The following LPA variants were observed in gnomAD, a reference collection of about 807,000 sequenced individuals.
LPA encodes the protein apolipoprotein(a).
In LPA, 199 loss-of-function variants were observed where a neutral mutation model predicts 197.9. That is an observed-to-expected ratio of 1.01 (90% CI 0.90 to 1.13). The LOEUF (loss-of-function observed/expected upper bound fraction) is 1.13. Ranked by LOEUF, LPA falls within the 50% of genes most tolerant of loss-of-function variation. LPA has a pLI of 0.00. For synonymous variants in LPA, 715 were observed against 639.5 expected (o/e 1.12, Z -1.78); for missense variants, 1,853 against 1,785.8 (o/e 1.04, Z -0.68).
chr6:160,587,545 A>C (rs1778934138), intron 24 of LPA, among the ~76,000 whole-genome samples: 1 of 152,050 alleles, frequency 6.6e-6, no homozygotes, highest in African/African-American at 2.4e-5. Flanking sequence ...TGCTCTTTAA[A>C]ATTCTATACC....
At chr6:160,589,307 T>C (rs927140236) in intron 24 of LPA, among the ~76,000 whole-genome samples, 1 of 152,234 alleles carries the variant, frequency 6.6e-6, no homozygotes, top group Non-Finnish European at 1.5e-5. Context: ...TCTTCTGAGC[T>C]TTCTATTCAT....
At chr6:160,552,941 A>G (rs1207915278) in intron 30 of LPA, among the ~76,000 whole-genome samples, 1 of 152,116 alleles carries the variant, frequency 6.6e-6, no homozygotes, top group Admixed American at 6.5e-5. Flanking sequence ...TCTTTTGCAT[A>G]AAAGGACTAT....
rs759100515 is a variant in LPA, at chr6:160,600,968, C to A, written c.3076G>T (p.Val1026Phe). 4 of 1,613,714 alleles carry A rather than the reference C, an allele frequency of 2.5e-6. No homozygotes were observed. Among genetic ancestry groups the A allele is most frequent in the Non-Finnish European group, 3.4e-6 (4 of 1,179,974 alleles). ...GGAGCCAGAATAACATTCGGAGGGA[C>A]GAAGGCAGTCCATTCTGCATCTGAG... is the stretch of plus-strand genomic sequence containing the variant. ...RCSDAEWTAF[V>F]PPNVILAPSL... is the part of the protein sequence containing the mutation. The change falls in exon 19 of 39, where the codon GTC becomes TTC. Residue 1026 changes from valine (V) to phenylalanine (F), a missense_variant. Coordinates refer to ENST00000316300, the MANE Select transcript of LPA (RefSeq NM_005577.4).
At chr6:160,647,012 G>T (rs1033084692) in intron 2 of LPA, among the ~76,000 whole-genome samples, 3 of 152,032 alleles carry the variant, frequency 2.0e-5, no homozygotes, top group African/African-American at 7.3e-5. Context: ...ATATCATGTC[G>T]GTCAAGTAGG....
intron 30 of LPA, 87 bp downstream of exon 30, chr6:160,555,938 T>C (rs1778255292): frequency 1.4e-5 from 17 of 1,176,702 alleles, no homozygotes; most frequent in Non-Finnish European, 2.2e-5. Flanking sequence ...GGGAAATTTG[T>C]CCTAACAAGT....
intron 17 of LPA, among the ~76,000 whole-genome samples, chr6:160,606,207 G>A (rs1328438181): frequency 6.6e-6 from 1 of 152,114 alleles, no homozygotes; most frequent in Non-Finnish European, 1.5e-5. Context: ...CTAAGACACT[G>A]AGATAGCCCA....
intron 30 of LPA, among the ~76,000 whole-genome samples, chr6:160,555,455 A>ATATGTG (rs1287454419): frequency 1.5e-5 from 2 of 133,082 alleles, no homozygotes; most frequent in African/African-American, 5.7e-5. Flanking sequence ...ATATATATAT[A>ATATGTG]TGTGTGTGTA....
At position 160,581,475 on chromosome 6, in the gene LPA, A is replaced by T. The variant is rs373125055; in HGVS notation, c.4290-2771T>A. Among the ~76,000 whole-genome samples, 12 of 152,074 alleles carry T rather than the reference A, an allele frequency of 7.9e-5. No homozygotes were observed. The East Asian group carries it at 2.1e-3, about 27-fold the overall frequency. The stretch of plus-strand genomic sequence containing the variant: ...GCACCAAACCTGGCTAATTTTTTTA[A>T]ATATTTGTAGAGATGAGGGTCTTGC... On this transcript the variant is annotated intron_variant, in intron 26 of 38. Coordinates refer to ENST00000316300, the MANE Select transcript of LPA (RefSeq NM_005577.4).
At chr6:160,575,497 G>T (rs550008247) in intron 28 of LPA, among the ~76,000 whole-genome samples, 16 of 152,286 alleles carry the variant, frequency 1.1e-4, no homozygotes, top group Middle Eastern at 3.4e-3. Context: ...CTATGAAGAG[G>T]TTAAGCTTTC....
chr6:160,579,246 T>C (rs1404012436), intron 26 of LPA, among the ~76,000 whole-genome samples: 5 of 152,192 alleles, frequency 3.3e-5, no homozygotes, highest in African/African-American at 7.2e-5. Flanking sequence ...ATAAATGCTC[T>C]ACATTTGCAA....
intron 28 of LPA, among the ~76,000 whole-genome samples, chr6:160,572,760 C>T (rs1222323780): frequency 6.6e-6 from 1 of 152,190 alleles, no homozygotes; most frequent in Non-Finnish European, 1.5e-5. Context: ...TGTACAGTTC[C>T]TGCTGAAAAA....
At position 160,537,845 on chromosome 6, in the gene LPA, T is replaced by C. The variant is rs1777917156; in HGVS notation, c.5842+10A>G. On this transcript the variant is annotated intron_variant, in intron 37 of 38. Coordinates refer to ENST00000316300, the MANE Select transcript of LPA (RefSeq NM_005577.4). ...ACAATTTGTTACGTGGGCAATGGAA[T>C]TGATCTCACCTTGGGTTTCTCCCCA... The C allele has an allele frequency of 6.2e-7, 1 of 1,612,390 alleles. No individual in the cohort carries two copies. Among genetic ancestry groups the C allele is most frequent in the African/African-American group, 1.3e-5 (1 of 75,044 alleles).
chr6:160,606,628 T>C lies in LPA; in HGVS notation c.2634A>G (p.Pro878=), dbSNP rs1327436990. The change falls in exon 17 of 39, where the codon CCA becomes CCG. Residue 878 remains proline (P), a synonymous_variant. Transcript: ENST00000316300. ...AACAATAAGGGGCTGCCACAGGATCTGGATTCCTGCAGTAGTTCATGATCA... is the reference window on the plus strand; with the variant it reads ...AACAATAAGGGGCTGCCACAGGATCCGGATTCCTGCAGTAGTTCATGATCA... ...AGLIMNYCRN[P]DPVAAPYCYT... is the part of the protein sequence containing the mutation. 1 of 1,614,040 alleles carries C rather than the reference T, an allele frequency of 6.2e-7. No homozygotes were observed. The highest frequency in any genetic ancestry group is 8.5e-7 in the Non-Finnish European group (1 of 1,179,944).
chr6:160,573,207 T>C (rs1422197260), intron 28 of LPA, among the ~76,000 whole-genome samples: 6 of 152,238 alleles, frequency 3.9e-5, no homozygotes, highest in Admixed American at 1.3e-4. Flanking sequence ...TTATTTTTTC[T>C]ACTTGTTCAG....
intron 1 of LPA, among the ~76,000 whole-genome samples, chr6:160,658,348 G>A (rs567390612): frequency 1.9e-4 from 29 of 152,092 alleles, no homozygotes; most frequent in Non-Finnish European, 4.0e-4. Context: ...TCAGCTACTC[G>A]CATGATAACA....
In LPA at chr6:160,611,087, A is replaced by T. The variant is rs139081002; in HGVS notation, c.2603+475T>A. 9.3e-4 allele frequency among the ~76,000 whole-genome samples: 142 copies of T among 152,026 alleles called. 2 individuals are homozygous for T. Among genetic ancestry groups the T allele is most frequent in the African/African-American group, 3.3e-3 (136 of 41,444 alleles). ...GGCCACTGGTACTTAGGACCAAGAG[A>T]TTTTCTCCCTATTGGAATACAGGTA... On this transcript the variant is annotated intron_variant, in intron 16 of 38. Coordinates refer to ENST00000316300, the MANE Select transcript of LPA (RefSeq NM_005577.4).
chr6:160,611,467 A>C, intron 16 of LPA, 95 bp downstream of exon 16: 1 of 1,555,258 alleles, frequency 6.4e-7, no homozygotes, highest in Non-Finnish European at 8.8e-7. Flanking sequence ...AATCTGACAC[A>C]AGTTGAGTTC....
Position 160,589,894 on chromosome 6 carries a change from C to T in LPA, c.3788-182G>A, listed in dbSNP as rs542953094. On this transcript the variant is annotated intron_variant, in intron 23 of 38. Coordinates refer to ENST00000316300, the MANE Select transcript of LPA (RefSeq NM_005577.4). ...AAAGATTCATAGCATTCTGGAACTT[C>T]AATGAGTTTTTAGAAAGATTTTCTT... is the stretch of plus-strand genomic sequence containing the variant. 2.6e-5 allele frequency among the ~76,000 whole-genome samples: 4 copies of T among 152,344 alleles called. No homozygotes were observed. The East Asian group carries it at 7.7e-4, about 29-fold the overall frequency.
intron 28 of LPA, among the ~76,000 whole-genome samples, chr6:160,565,969 A>C (rs1488408164): frequency 1.3e-5 from 2 of 152,212 alleles, no homozygotes; most frequent in Non-Finnish European, 2.9e-5. Flanking sequence ...CGAGAAGAGA[A>C]GTTTAGAGAA....
Sources: allele counts gnomAD v4.1 joint callset (sites outside exome capture counted in the v4.1 genomes callset), GRCh38; gene constraint gnomAD v4.1.1; transcripts MANE v1.5; gene names NCBI Gene and HGNC (gene_info 2026-07-23, HGNC 2026-07-21).